Variants in RPSA2 observed in about 807,000 individuals in gnomAD.
RPSA2 encodes small ribosomal subunit protein uS2B.
the RPSA2 span, among the ~76,000 whole-genome samples, chr19:23,812,398 T>TTTTTTC: frequency 6.7e-6 from 1 of 148,828 alleles, no homozygotes; most frequent in African/African-American, 2.5e-5. Flanking sequence ...CTTTTTTTTT[T>TTTTTTC]TTTGTTTATG....
the RPSA2 span, among the ~76,000 whole-genome samples, chr19:23,864,767 T>C: frequency 3.3e-5 from 5 of 152,256 alleles, no homozygotes; most frequent in Admixed American, 1.3e-4. Context: ...GAGGCAAAAA[T>C]CTGAGTTATT....
At chr19:23,853,182 TC>T in the RPSA2 span, among the ~76,000 whole-genome samples, 1 of 152,242 alleles carries the variant, frequency 6.6e-6, no homozygotes, top group East Asian at 1.9e-4. Flanking sequence ...GGCAAATTTT[TC>T]ACAATACGAT....
At chr19:23,848,898 G>C in the RPSA2 span, among the ~76,000 whole-genome samples, 1 of 152,138 alleles carries the variant, frequency 6.6e-6, no homozygotes, top group African/African-American at 2.4e-5. Context: ...CCAGTGCAGT[G>C]ACTGTAATTA....
At chr19:23,789,732 CAG>C in the RPSA2 span, among the ~76,000 whole-genome samples, 1,379 of 150,126 alleles carry the variant, frequency 9.2e-3, 72 homozygotes, top group Admixed American at 0.075. Context: ...TTTTTGGAGA[CAG>C]AGTCTCGCTC....
the RPSA2 span, among the ~76,000 whole-genome samples, chr19:23,776,540 T>C: frequency 1.3e-5 from 2 of 152,206 alleles, no homozygotes; most frequent in African/African-American, 4.8e-5. Context: ...TGTAACTCTC[T>C]TGTTTGGGTT....
chr19:23,841,166 C>T, the RPSA2 span, among the ~76,000 whole-genome samples: 8 of 152,032 alleles, frequency 5.3e-5, no homozygotes, highest in East Asian at 1.9e-4. Context: ...ACTTGGTTAA[C>T]GTGTTTTCTC....
At chr19:23,784,554 C>T in the RPSA2 span, among the ~76,000 whole-genome samples, 4 of 152,326 alleles carry the variant, frequency 2.6e-5, no homozygotes, top group African/African-American at 7.2e-5. Flanking sequence ...TTCTGGATTT[C>T]CTTCTTGTAT....
At chr19:23,839,417 C>T in the RPSA2 span, among the ~76,000 whole-genome samples, 5 of 152,146 alleles carry the variant, frequency 3.3e-5, no homozygotes, top group African/African-American at 1.2e-4. Context: ...CCTCACTCAG[C>T]TCCAGTGGAA....
the RPSA2 span, among the ~76,000 whole-genome samples, chr19:23,854,553 G>A: frequency 2.0e-5 from 3 of 152,164 alleles, no homozygotes; most frequent in Non-Finnish European, 4.4e-5. Flanking sequence ...CTGTTTCCCT[G>A]GTTCTGTGGC....
At chr19:23,828,331 T>G in the RPSA2 span, among the ~76,000 whole-genome samples, 1 of 146,912 alleles carries the variant, frequency 6.8e-6, no homozygotes, top group East Asian at 2.0e-4. Context: ...TTCTTTTTTT[T>G]TTTTTAATAT....
At chr19:23,793,024 C>G in the RPSA2 span, among the ~76,000 whole-genome samples, 14 of 152,156 alleles carry the variant, frequency 9.2e-5, no homozygotes, top group African/African-American at 3.4e-4. Flanking sequence ...AGGGTAAGCT[C>G]AAAGTTCATA....
the RPSA2 span, among the ~76,000 whole-genome samples, chr19:23,791,198 A>G: frequency 1 from 152,275 of 152,306 alleles, 76,123 homozygotes; most frequent in Non-Finnish European, 1. Context: ...GTTTTAATTT[A>G]TGGTCTGTGG....
chr19:23,797,898 T>C, the RPSA2 span, among the ~76,000 whole-genome samples: 2 of 152,190 alleles, frequency 1.3e-5, no homozygotes, highest in Non-Finnish European at 2.9e-5. Flanking sequence ...AAAGAAAATA[T>C]AAATTAGAAA....
chr19:23,867,252 C>G, the RPSA2 span, among the ~76,000 whole-genome samples: 1 of 152,142 alleles, frequency 6.6e-6, no homozygotes, highest in African/African-American at 2.4e-5. Context: ...CTCCACATCC[C>G]TAGTGGGAGT....
chr19:23,852,488 T>A, the RPSA2 span, among the ~76,000 whole-genome samples: 18 of 152,356 alleles, frequency 1.2e-4, no homozygotes, highest in East Asian at 1.7e-3. Context: ...TTTCTATAGA[T>A]GTTAAACTAA....
At chr19:23,868,209 A>AT in the RPSA2 span, among the ~76,000 whole-genome samples, 1 of 152,072 alleles carries the variant, frequency 6.6e-6, no homozygotes, top group Non-Finnish European at 1.5e-5. Context: ...GATCTTAAAG[A>AT]TTTTTTCTTT....
chr19:23,824,580 C>CTTTTTTTTTTTTTTTTTTTT, the RPSA2 span, among the ~76,000 whole-genome samples: 5 of 63,822 alleles, frequency 7.8e-5, no homozygotes, highest in African/African-American at 3.1e-4. Context: ...TATAGCATTT[C>CTTTTTTTTTTTTTTTTTTTT]TTTTTTTTTT....
the RPSA2 span, among the ~76,000 whole-genome samples, chr19:23,824,580 C>CTTTTTTTTTTTTTTTTTTT: frequency 1.4e-4 from 9 of 63,822 alleles, no homozygotes; most frequent in African/African-American, 4.9e-4. Context: ...TATAGCATTT[C>CTTTTTTTTTTTTTTTTTTT]TTTTTTTTTT....
the RPSA2 span, among the ~76,000 whole-genome samples, chr19:23,761,961 A>T: frequency 6.0e-5 from 3 of 50,282 alleles, no homozygotes; most frequent in Non-Finnish European, 8.0e-5. Context: ...TCTATCGCCC[A>T]GGCTGGAGTG....
Sources: gnomAD v4.1 joint callset for allele counts (sites outside exome capture counted in the v4.1 genomes callset) on GRCh38, gnomAD v4.1.1 for gene constraint, MANE v1.5 for transcripts, NCBI Gene and HGNC (gene_info 2026-07-23, HGNC 2026-07-21) for gene names.